FHIT: variants seen among roughly 807,000 people sequenced by gnomAD.
The protein encoded by FHIT is bis(5'-adenosyl)-triphosphatase.
FHIT carries 19 observed loss-of-function variants against 17.9 expected under a neutral mutation model. That is an observed-to-expected ratio of 1.06 (90% confidence interval 0.74 to 1.56). The LOEUF is 1.56. Ranked by LOEUF, FHIT falls within the 40% of genes most tolerant of loss-of-function variation. FHIT has a pLI of 0.00. For synonymous variants in FHIT, 81 were observed against 69.7 expected (o/e 1.16, Z -0.81); for missense variants, 248 against 189.2 (o/e 1.31, Z -1.82).
At chr3:60,115,726 C>T (rs1225321891) in intron 5 of FHIT, among the ~76,000 whole-genome samples, 1 of 152,066 alleles carries the variant, frequency 6.6e-6, no homozygotes, top group East Asian at 1.9e-4. Flanking sequence ...ACTTGAAAGA[C>T]ATTAAGAAAT....
intron 4 of FHIT, among the ~76,000 whole-genome samples, chr3:60,649,925 C>G (rs1214329334): frequency 6.6e-6 from 1 of 152,186 alleles, no homozygotes; most frequent in African/African-American, 2.4e-5. Context: ...CTGCACAAAG[C>G]ACCAGCACCT....
intron 3 of FHIT, among the ~76,000 whole-genome samples, chr3:60,896,906 A>G (rs1240074297): frequency 6.6e-6 from 1 of 151,986 alleles, no homozygotes; most frequent in Non-Finnish European, 1.5e-5. Context: ...TCCTTCCCTA[A>G]CTCTTCTAAT....
At chr3:60,351,231 A>C (rs1472593905) in intron 5 of FHIT, among the ~76,000 whole-genome samples, 2 of 152,246 alleles carry the variant, frequency 1.3e-5, no homozygotes, top group Non-Finnish European at 2.9e-5. Flanking sequence ...CTTAATGTTA[A>C]TTAACTGTAT....
chr3:61,197,845 C>G (rs578142406), intron 2 of FHIT, among the ~76,000 whole-genome samples: 1 of 152,158 alleles, frequency 6.6e-6, no homozygotes, highest in East Asian at 2.0e-4. Flanking sequence ...TTCTCCGCTT[C>G]TCTTCTCATT....
chr3:60,895,993 C>G (rs1466773447), intron 3 of FHIT, among the ~76,000 whole-genome samples: 1 of 151,896 alleles, frequency 6.6e-6, no homozygotes, highest in African/African-American at 2.4e-5. Context: ...TGGCTGCACA[C>G]TAGGAGGTGA....
intron 1 of FHIT, among the ~76,000 whole-genome samples, chr3:61,221,309 T>C (rs2039830826): frequency 6.6e-6 from 1 of 152,224 alleles, no homozygotes; most frequent in Admixed American, 6.5e-5. Context: ...AATAGCTCTG[T>C]TCCCAATAGC....
chr3:61,129,629 A>G (rs945880012), intron 2 of FHIT, among the ~76,000 whole-genome samples: 1 of 152,184 alleles, frequency 6.6e-6, no homozygotes, highest in Non-Finnish European at 1.5e-5. Flanking sequence ...TACAAATTCA[A>G]AGCAAGATCT....
At chr3:60,585,217 T>A (rs1559558861) in intron 4 of FHIT, among the ~76,000 whole-genome samples, 1 of 152,004 alleles carries the variant, frequency 6.6e-6, no homozygotes, top group African/African-American at 2.4e-5. Context: ...TTCTGAAAAT[T>A]TCTAAGCTTT....
chr3:60,172,217 A>G (rs1701451593), intron 5 of FHIT, among the ~76,000 whole-genome samples: 2 of 152,158 alleles, frequency 1.3e-5, no homozygotes, highest in South Asian at 4.1e-4. Context: ...ACGAGTTGAG[A>G]GCCAGGTAGT....
At chr3:59,973,048 CCCT>C (rs552683381) in intron 7 of FHIT, among the ~76,000 whole-genome samples, 32 of 152,102 alleles carry the variant, frequency 2.1e-4, no homozygotes, top group Admixed American at 3.9e-4. Context: ...GGGTGTGTCT[CCCT>C]CCTCTAACTC....
intron 5 of FHIT, among the ~76,000 whole-genome samples, chr3:60,462,572 T>C (rs961905638): frequency 1.3e-5 from 2 of 151,502 alleles, no homozygotes; most frequent in East Asian, 3.9e-4. Context: ...GAAAGCAGGG[T>C]AGTGAAGAGA....
chr3:60,626,996 T>A (rs2039307112), intron 4 of FHIT, among the ~76,000 whole-genome samples: 1 of 152,130 alleles, frequency 6.6e-6, no homozygotes, highest in Non-Finnish European at 1.5e-5. Context: ...TATATTACAT[T>A]TATTAGTTTT....
intron 5 of FHIT, among the ~76,000 whole-genome samples, chr3:60,526,529 T>C (rs2035581807): frequency 6.6e-6 from 1 of 151,996 alleles, no homozygotes; most frequent in African/African-American, 2.4e-5. Flanking sequence ...ACCGAAAAGG[T>C]GAAATAGTGT....
intron 4 of FHIT, among the ~76,000 whole-genome samples, chr3:60,544,126 C>T (rs1329200590): frequency 6.6e-6 from 1 of 151,404 alleles, no homozygotes; most frequent in Non-Finnish European, 1.5e-5. Context: ...TGGCAATTTT[C>T]CTACTTTCAT....
At chr3:60,368,465 C>T (rs1453570613) in intron 5 of FHIT, among the ~76,000 whole-genome samples, 1 of 151,788 alleles carries the variant, frequency 6.6e-6, no homozygotes, top group African/African-American at 2.4e-5. Context: ...TCTTTGGGCA[C>T]TCTGTTGAAA....
intron 5 of FHIT, among the ~76,000 whole-genome samples, chr3:60,272,894 G>A (rs1246361802): frequency 1.3e-5 from 2 of 152,166 alleles, no homozygotes; most frequent in East Asian, 3.9e-4. Context: ...TGGCAATGAG[G>A]GTAAATCAGG....
chr3:60,909,719 G>T (rs568047466), intron 3 of FHIT, among the ~76,000 whole-genome samples: 1 of 152,274 alleles, frequency 6.6e-6, no homozygotes, highest in Middle Eastern at 3.4e-3. Context: ...ACTGAACAAC[G>T]GAATGCGTAT....
chr3:60,064,933 T>C (rs926453604), intron 5 of FHIT, among the ~76,000 whole-genome samples: 2 of 152,168 alleles, frequency 1.3e-5, no homozygotes, highest in Non-Finnish European at 2.9e-5. Context: ...CTTAAAGATA[T>C]AACACTTACC....
intron 5 of FHIT, among the ~76,000 whole-genome samples, chr3:60,179,748 C>G (rs1000142967): frequency 6.6e-6 from 1 of 152,088 alleles, no homozygotes. Flanking sequence ...AGGCATCTGG[C>G]CCCAGCTAGA....
Sources: allele counts gnomAD v4.1 joint callset (sites outside exome capture counted in the v4.1 genomes callset), GRCh38; gene constraint gnomAD v4.1.1; transcripts MANE v1.5; gene names NCBI Gene and HGNC (gene_info 2026-07-23, HGNC 2026-07-21).